The following SPMIP2 variants were observed in gnomAD, a reference collection of about 807,000 sequenced individuals.
The protein encoded by SPMIP2 is protein SPMIP2.
the SPMIP2 span, among the ~76,000 whole-genome samples, chr4:159,044,415 T>A: frequency 3.4e-5 from 5 of 145,072 alleles, no homozygotes; most frequent in South Asian, 4.4e-4. Flanking sequence ...AAAACACAAA[T>A]GGGTCTGGGA....
At chr4:158,911,402 G>GC in the SPMIP2 span, among the ~76,000 whole-genome samples, 1 of 123,646 alleles carries the variant, frequency 8.1e-6, no homozygotes, top group Admixed American at 7.8e-5. Context: ...TAAAAGCCCA[G>GC]CCCTGTGCAC....
At chr4:158,945,600 G>A in the SPMIP2 span, among the ~76,000 whole-genome samples, 1 of 152,154 alleles carries the variant, frequency 6.6e-6, no homozygotes, top group African/African-American at 2.4e-5. Flanking sequence ...AAGGACTCTT[G>A]ATGGTTTATA....
chr4:158,996,020 C>T, the SPMIP2 span, among the ~76,000 whole-genome samples: 2 of 152,078 alleles, frequency 1.3e-5, no homozygotes, highest in African/African-American at 4.8e-5. Context: ...GACAGTTAAC[C>T]CGTTTTTCGT....
chr4:158,995,699 A>C, the SPMIP2 span, among the ~76,000 whole-genome samples: 4 of 152,166 alleles, frequency 2.6e-5, no homozygotes, highest in East Asian at 7.7e-4. Flanking sequence ...TCTACTAAAA[A>C]TACAAAAATT....
At chr4:158,974,362 G>T in the SPMIP2 span, among the ~76,000 whole-genome samples, 1 of 152,116 alleles carries the variant, frequency 6.6e-6, no homozygotes, top group Non-Finnish European at 1.5e-5. Context: ...AGAACGTGCA[G>T]ATTTGTTACA....
chr4:158,969,323 A>G, the SPMIP2 span, among the ~76,000 whole-genome samples: 1 of 152,224 alleles, frequency 6.6e-6, no homozygotes, highest in Non-Finnish European at 1.5e-5. Flanking sequence ...GAAACTAAAG[A>G]AACTGTTTCA....
the SPMIP2 span, among the ~76,000 whole-genome samples, chr4:159,041,087 G>A: frequency 3.9e-5 from 6 of 152,218 alleles, no homozygotes; most frequent in East Asian, 3.9e-4. Flanking sequence ...TTTAAACAGC[G>A]ACCATCATAA....
At chr4:159,025,207 C>A in the SPMIP2 span, among the ~76,000 whole-genome samples, 2 of 152,180 alleles carry the variant, frequency 1.3e-5, no homozygotes, top group African/African-American at 4.8e-5. Context: ...CTCTGTCGCA[C>A]AGGCTGGAGT....
the SPMIP2 span, among the ~76,000 whole-genome samples, chr4:158,962,867 GA>G: frequency 1.3e-4 from 20 of 151,262 alleles, no homozygotes; most frequent in East Asian, 2.5e-3. Flanking sequence ...CTTGTTAAAG[GA>G]AAAAAAAAGT....
the SPMIP2 span, among the ~76,000 whole-genome samples, chr4:159,008,695 TC>T: frequency 1.3e-5 from 2 of 152,274 alleles, no homozygotes; most frequent in Non-Finnish European, 2.9e-5. Flanking sequence ...ATGTTCATTT[TC>T]ATGTTATAAT....
At chr4:159,039,287 T>C in the SPMIP2 span, among the ~76,000 whole-genome samples, 38 of 152,148 alleles carry the variant, frequency 2.5e-4, no homozygotes, top group African/African-American at 9.2e-4. Flanking sequence ...TGGGTTTAAA[T>C]AGAAGACACC....
the SPMIP2 span, among the ~76,000 whole-genome samples, chr4:158,978,890 G>C: frequency 2.3e-4 from 35 of 151,980 alleles, no homozygotes; most frequent in East Asian, 4.7e-3. Context: ...ACTCTGTACT[G>C]AGTGCTGTGC....
the SPMIP2 span, among the ~76,000 whole-genome samples, chr4:158,984,154 A>C: frequency 1.0e-5 from 1 of 100,250 alleles, no homozygotes. Context: ...GCAAGTCCTG[A>C]GTGACCTACA....
chr4:159,075,105 A>T, the SPMIP2 span, among the ~76,000 whole-genome samples: 1 of 152,202 alleles, frequency 6.6e-6, no homozygotes, highest in Admixed American at 6.5e-5. Context: ...ACCTGCCTAG[A>T]AGCAAGCAAA....
At chr4:158,916,339 G>A in the SPMIP2 span, among the ~76,000 whole-genome samples, 7 of 152,170 alleles carry the variant, frequency 4.6e-5, no homozygotes, top group Non-Finnish European at 7.4e-5. Flanking sequence ...TGCTATTTTC[G>A]TGAGGTTAGA....
the SPMIP2 span, among the ~76,000 whole-genome samples, chr4:159,018,829 G>A: frequency 1.3e-5 from 2 of 152,136 alleles, no homozygotes; most frequent in African/African-American, 4.8e-5. Flanking sequence ...AGTGGCTCAC[G>A]CCTGTAATCC....
the SPMIP2 span, among the ~76,000 whole-genome samples, chr4:159,048,432 G>A: frequency 6.6e-6 from 1 of 152,108 alleles, no homozygotes; most frequent in African/African-American, 2.4e-5. Context: ...TAAAGAAGTT[G>A]CACTGTATTA....
chr4:159,081,318 C>T, the SPMIP2 span, among the ~76,000 whole-genome samples: 47 of 152,126 alleles, frequency 3.1e-4, 1 homozygote, highest in African/African-American at 1.1e-3. Flanking sequence ...GGATTACAGG[C>T]ATGAGCCACC....
the SPMIP2 span, among the ~76,000 whole-genome samples, chr4:159,029,586 G>C: frequency 1.3e-5 from 2 of 152,276 alleles, no homozygotes; most frequent in African/African-American, 4.8e-5. Flanking sequence ...CTCTAACTAT[G>C]ATACTCAAAA....
Sources: allele counts gnomAD v4.1 joint callset (sites outside exome capture counted in the v4.1 genomes callset), GRCh38; gene constraint gnomAD v4.1.1; transcripts MANE v1.5; gene names NCBI Gene and HGNC (gene_info 2026-07-23, HGNC 2026-07-21).